Variants in ANKRD28 observed in about 807,000 individuals in gnomAD.
ANKRD28 encodes the protein ankyrin repeat domain 28, also known as serine/threonine-protein phosphatase 6 regulatory ankyrin repeat subunit A.
Under a neutral mutation model 126.5 loss-of-function variants are expected in ANKRD28, and 44 were observed. The observed-to-expected ratio is 0.35, with a 90% confidence interval of 0.27 to 0.45. ANKRD28 has a LOEUF of 0.45. ANKRD28 is among the 20% of genes least tolerant of loss of function. ANKRD28 has a pLI of 1.00. For missense variants in ANKRD28, 1,110 were observed against 1,316.6 expected, an observed-to-expected ratio of 0.84 and a Z score of 2.43; for synonymous variants, 442 against 468.5, an observed-to-expected ratio of 0.94 and a Z score of 0.73.
At chr3:15,700,027 C>T (rs530301756) in intron 14 of ANKRD28, among the ~76,000 whole-genome samples, 4 of 152,180 alleles carry the variant, frequency 2.6e-5, no homozygotes, top group Admixed American at 6.5e-5. Flanking sequence ...AAATGTGGCA[C>T]ATATACACCA....
chr3:15,777,469 G>A (rs2059334660), intron 2 of ANKRD28, among the ~76,000 whole-genome samples: 1 of 152,036 alleles, frequency 6.6e-6, no homozygotes, highest in South Asian at 2.1e-4. Context: ...TAGTTTCTGT[G>A]TAAATAAAAC....
chr3:15,788,330 C>G (rs1022244866), intron 2 of ANKRD28, among the ~76,000 whole-genome samples: 1 of 152,098 alleles, frequency 6.6e-6, no homozygotes, highest in Non-Finnish European at 1.5e-5. Context: ...ACTATTATTG[C>G]TTTATAGTAC....
At chr3:15,841,627 T>C (rs1239394883) in intron 1 of ANKRD28, among the ~76,000 whole-genome samples, 1 of 152,120 alleles carries the variant, frequency 6.6e-6, no homozygotes, top group Non-Finnish European at 1.5e-5. Flanking sequence ...GCAAAAGATC[T>C]GAATAGGCAT....
chr3:15,747,751 G>T (rs1358456089), intron 4 of ANKRD28, among the ~76,000 whole-genome samples: 1 of 152,090 alleles, frequency 6.6e-6, no homozygotes, highest in Non-Finnish European at 1.5e-5. Context: ...TTTCTTTGTT[G>T]ACTTTCTGTT....
chr3:15,709,956 T>G (rs1004887884), intron 12 of ANKRD28, among the ~76,000 whole-genome samples: 2 of 152,172 alleles, frequency 1.3e-5, no homozygotes, highest in Admixed American at 1.3e-4. Context: ...AACACACGAT[T>G]CATGTTGTCA....
intron 3 of ANKRD28, among the ~76,000 whole-genome samples, chr3:15,762,759 C>T (rs1353730617): frequency 1.3e-5 from 2 of 151,880 alleles, no homozygotes; most frequent in Non-Finnish European, 2.9e-5. Context: ...AATAGAAATG[C>T]TCCTTAAAAA....
intron 21 of ANKRD28, 164 bp downstream of exon 21, chr3:15,685,062 C>T (rs1349546546): frequency 1.5e-6 from 1 of 647,864 alleles, no homozygotes; most frequent in African/African-American, 1.8e-5. Flanking sequence ...TGACAAAGGA[C>T]AGGAGTGAGC....
In ANKRD28 at chr3:15,669,195, T is replaced by C. The variant is rs1466659819; in HGVS notation, c.*1075A>G. 1 of 152,232 alleles carries C rather than the reference T, an allele frequency of 6.6e-6. No homozygotes were observed. The highest frequency in any genetic ancestry group is 1.5e-5 in the Non-Finnish European group (1 of 68,030). The allele number at this position is 152,232 out of a possible 1,614,324, so 9.4% of individuals were successfully genotyped here. A position where few individuals can be genotyped will look rare whatever the true frequency, so the allele number is the denominator to read the frequency against. ...AGAGACTTTAGTGATGCTTAATTTA[T>C]GAACAACAAGGAATTATTTTCCTTT... On this transcript the variant is annotated 3_prime_UTR_variant, in exon 28 of 28. Coordinates refer to ENST00000683139, the MANE Select transcript of ANKRD28 (RefSeq NM_001349278.2).
chr3:15,691,615 A>G (rs371080945), intron 17 of ANKRD28, among the ~76,000 whole-genome samples: 7 of 152,312 alleles, frequency 4.6e-5, no homozygotes, highest in South Asian at 2.1e-4. Flanking sequence ...GCAAGAGATA[A>G]ACTTGCTCTG....
intron 2 of ANKRD28, among the ~76,000 whole-genome samples, chr3:15,783,610 C>G (rs1260013126): frequency 6.6e-6 from 1 of 151,874 alleles, no homozygotes; most frequent in East Asian, 1.9e-4. Context: ...CAGAGAAGCA[C>G]CTAAATGTTT....
intron 1 of ANKRD28, among the ~76,000 whole-genome samples, chr3:15,835,692 C>T (rs2061310755): frequency 6.6e-6 from 1 of 152,192 alleles, no homozygotes. Flanking sequence ...TGTGCCATCC[C>T]TTCGCAATCC....
At chr3:15,695,274 T>A in intron 15 of ANKRD28, 60 bp from the exon 16 acceptor site, 2 of 1,224,954 alleles carry the variant, frequency 1.6e-6, no homozygotes, top group Non-Finnish European at 2.4e-6. Context: ...ATATTAAGTC[T>A]CAACTTATAT....
intron 2 of ANKRD28, 151 bp downstream of exon 2, chr3:15,795,072 G>T: frequency 1.7e-6 from 1 of 602,142 alleles, no homozygotes; most frequent in Non-Finnish European, 3.0e-6. Flanking sequence ...TATATGTCCA[G>T]TGTTTTCCCT....
intron 3 of ANKRD28, among the ~76,000 whole-genome samples, chr3:15,764,132 G>C (rs1433770811): frequency 1.3e-5 from 2 of 152,190 alleles, no homozygotes; most frequent in Non-Finnish European, 2.9e-5. Context: ...GGCTGAGGCA[G>C]GTGAATCGCT....
chr3:15,758,883 G>C (rs1050811502), intron 3 of ANKRD28, among the ~76,000 whole-genome samples: 1 of 152,172 alleles, frequency 6.6e-6, no homozygotes, highest in Non-Finnish European at 1.5e-5. Flanking sequence ...TTCTAGTAAG[G>C]AGAGTATTTT....
At chr3:15,810,205 T>G (rs1270700908) in intron 1 of ANKRD28, among the ~76,000 whole-genome samples, 5 of 152,018 alleles carry the variant, frequency 3.3e-5, no homozygotes, top group Non-Finnish European at 5.9e-5. Context: ...CAGTAGGCTA[T>G]CACAATTAGT....
chr3:15,736,981 G>A (rs1045705138), intron 5 of ANKRD28, 52 bp downstream of exon 5: 5 of 1,546,264 alleles, frequency 3.2e-6, no homozygotes, highest in East Asian at 4.5e-5. Context: ...TTTAATAAGT[G>A]GGGGGTGGAC....
intron 3 of ANKRD28, 128 bp downstream of exon 3, chr3:15,766,100 TATAAAA>T: frequency 7.9e-6 from 5 of 632,606 alleles, no homozygotes; most frequent in Non-Finnish European, 1.3e-5. Context: ...ATGGAATGAA[TATAAAA>T]ATAAGTTTCA....
At chr3:15,828,836 A>G (rs983889499) in intron 1 of ANKRD28, among the ~76,000 whole-genome samples, 23 of 152,314 alleles carry the variant, frequency 1.5e-4, no homozygotes, top group Admixed American at 5.9e-4. Flanking sequence ...ATGTGTAATC[A>G]AGACCAAGAC....
Sources: allele counts gnomAD v4.1 joint callset (sites outside exome capture counted in the v4.1 genomes callset), GRCh38; gene constraint gnomAD v4.1.1; transcripts MANE v1.5; gene names NCBI Gene and HGNC (gene_info 2026-07-23, HGNC 2026-07-21).